Variants in RALGAPA1 observed in about 807,000 individuals in gnomAD.
RALGAPA1 encodes Ral GTPase activating protein catalytic subunit alpha 1, also known as ral GTPase-activating protein subunit alpha-1.
In RALGAPA1, 52 loss-of-function variants were observed where a neutral mutation model predicts 269.6. The ratio of observed to expected loss-of-function variants is 0.19; its 90% CI spans 0.15 to 0.24. The LOEUF (loss-of-function observed/expected upper bound fraction) is 0.24. Among genes scored for constraint, RALGAPA1 ranks in the 10% least tolerant of loss-of-function variants. The pLI is 1.00. For synonymous variants in RALGAPA1, 817 were observed against 1,008.3 expected, an observed-to-expected ratio of 0.81 and a Z score of 3.60; for missense variants, 1,917 against 3,013.9, an observed-to-expected ratio of 0.64 and a Z score of 8.52.
intron 1 of RALGAPA1, among the ~76,000 whole-genome samples, chr14:35,803,295 T>C (rs986335741): frequency 6.6e-6 from 1 of 152,106 alleles, no homozygotes; most frequent in African/African-American, 2.4e-5. Flanking sequence ...GATATTCACA[T>C]GCAAAAACGT....
At chr14:35,702,493 A>T (rs568559238) in intron 16 of RALGAPA1, among the ~76,000 whole-genome samples, 1 of 152,200 alleles carries the variant, frequency 6.6e-6, no homozygotes, top group East Asian at 1.9e-4. Context: ...CCCATATACA[A>T]AATGTCAGAA....
At chr14:35,576,787 A>G (rs2057592709) in intron 37 of RALGAPA1, among the ~76,000 whole-genome samples, 1 of 152,216 alleles carries the variant, frequency 6.6e-6, no homozygotes, top group Non-Finnish European at 1.5e-5. Context: ...TCATACAAAT[A>G]GTAAGTGGCA....
intron 39 of RALGAPA1, among the ~76,000 whole-genome samples, chr14:35,563,247 AAT>A (rs760457073): frequency 6.6e-6 from 1 of 152,188 alleles, no homozygotes; most frequent in South Asian, 2.1e-4. Context: ...CAGTGTAAAT[AAT>A]AGTTTTACAT....
intron 17 of RALGAPA1, among the ~76,000 whole-genome samples, chr14:35,690,674 T>C (rs1287481634): frequency 6.6e-6 from 1 of 152,230 alleles, no homozygotes; most frequent in African/African-American, 2.4e-5. Flanking sequence ...AAAACACCAC[T>C]TAAATCTGCT....
At chr14:35,745,871 G>C (rs759440993) in intron 10 of RALGAPA1, among the ~76,000 whole-genome samples, 2 of 151,734 alleles carry the variant, frequency 1.3e-5, no homozygotes, top group Non-Finnish European at 2.9e-5. Flanking sequence ...GATGGCTTTA[G>C]GCAAGGACTT....
In RALGAPA1 at chr14:35,773,056, T is replaced by C. The variant is rs374039799; in HGVS notation, c.267+1950A>G. 5.3e-5 allele frequency among the ~76,000 whole-genome samples: 8 copies of C among 152,196 alleles called. No homozygotes were observed. The East Asian group carries it at 5.8e-4, about 11-fold the overall frequency. ...CTGCATAATTATATTTATTTTTGTA[T>C]AGAAAGAGATAAACTTATAGAAAAG... On this transcript the variant is annotated intron_variant, in intron 3 of 41. Coordinates refer to ENST00000680220, the MANE Select transcript of RALGAPA1 (RefSeq NM_001346249.2).
At chr14:35,582,548 A>C (rs1300065201) in intron 37 of RALGAPA1, among the ~76,000 whole-genome samples, 1 of 152,180 alleles carries the variant, frequency 6.6e-6, no homozygotes, top group Non-Finnish European at 1.5e-5. Context: ...GAAAACCTGA[A>C]CTAAAATTGA....
chr14:35,697,468 A>G (rs56154412), intron 17 of RALGAPA1, among the ~76,000 whole-genome samples: 2,116 of 151,510 alleles, frequency 0.014, 34 homozygotes, highest in Non-Finnish European at 0.018. Flanking sequence ...GCCTCAGCCT[A>G]CTGAGCAGCT....
chr14:35,553,259 A>T (rs1353213534), intron 39 of RALGAPA1, among the ~76,000 whole-genome samples: 2 of 152,174 alleles, frequency 1.3e-5, no homozygotes, highest in Admixed American at 6.5e-5. Flanking sequence ...ATATACCTGT[A>T]TTCATGTGCA....
chr14:35,787,555 T>A (rs1417716364), intron 1 of RALGAPA1, among the ~76,000 whole-genome samples: 1 of 152,168 alleles, frequency 6.6e-6, no homozygotes, highest in Non-Finnish European at 1.5e-5. Context: ...CAAGAAATTT[T>A]ATTTCCTTTC....
intron 37 of RALGAPA1, among the ~76,000 whole-genome samples, chr14:35,585,717 C>T (rs1320931398): frequency 6.6e-6 from 1 of 152,040 alleles, no homozygotes; most frequent in African/African-American, 2.4e-5. Flanking sequence ...GAATCCTTTC[C>T]CCATTTCTTG....
At chr14:35,642,875 T>C (rs1279013233) in intron 31 of RALGAPA1, among the ~76,000 whole-genome samples, 1 of 152,132 alleles carries the variant, frequency 6.6e-6, no homozygotes, top group Non-Finnish European at 1.5e-5. Context: ...TATAAGGACA[T>C]ATGCACGTGT....
At chr14:35,600,572 T>C (rs2059233402) in intron 36 of RALGAPA1, among the ~76,000 whole-genome samples, 1 of 152,192 alleles carries the variant, frequency 6.6e-6, no homozygotes, top group Non-Finnish European at 1.5e-5. Flanking sequence ...TCTACTGTTT[T>C]ATCTTCCAGT....
rs190821471 is a variant in RALGAPA1 at position 35,710,801 on chromosome 14, T to C, written c.2267-10499A>G. 2.6e-3 allele frequency among the ~76,000 whole-genome samples: 396 copies of C among 152,314 alleles called. 10 individuals are homozygous for C. Among genetic ancestry groups the C allele is most frequent in the Non-Finnish European group, 4.1e-4 (28 of 68,024 alleles). On this transcript the variant is annotated intron_variant, in intron 16 of 41. Transcript: ENST00000680220. Reference sequence around the variant, plus strand: ...GTACCATTTCTATGTTTAGATATGCTTACACAAATATTTACCATTGTATTA... The same window carrying C: ...GTACCATTTCTATGTTTAGATATGCCTACACAAATATTTACCATTGTATTA...
In RALGAPA1 at chr14:35,683,796, T is replaced by C. The variant is rs200928452; in HGVS notation, c.4471+13A>G. 4 of 1,565,440 alleles carry C rather than the reference T, an allele frequency of 2.6e-6. No homozygotes were observed. Among genetic ancestry groups the C allele is most frequent in the Admixed American group, 1.8e-5 (1 of 56,100 alleles). On this transcript the variant is annotated intron_variant, in intron 21 of 41. Coordinates refer to ENST00000680220, the MANE Select transcript of RALGAPA1 (RefSeq NM_001346249.2). ...AATACATTTAAGAAACACATTCCCA[T>C]GAATAACTTTACCAGTAATAGTTGC...
At chr14:35,647,967 A>ATAAC (rs936001551) in intron 31 of RALGAPA1, among the ~76,000 whole-genome samples, 2 of 149,464 alleles carry the variant, frequency 1.3e-5, no homozygotes, top group Non-Finnish European at 3.0e-5. Context: ...AAATAAATAA[A>ATAAC]TAAGATGTTT....
intron 25 of RALGAPA1, among the ~76,000 whole-genome samples, chr14:35,671,895 C>T (rs1420089940): frequency 6.6e-6 from 1 of 152,192 alleles, no homozygotes; most frequent in Non-Finnish European, 1.5e-5. Context: ...TCTGAATCCA[C>T]ATGACCCGTT....
At chr14:35,693,135 A>ATAAT (rs1343974933) in intron 17 of RALGAPA1, among the ~76,000 whole-genome samples, 13 of 151,960 alleles carry the variant, frequency 8.6e-5, no homozygotes, top group Non-Finnish European at 1.5e-4. Flanking sequence ...TACTCATGAA[A>ATAAT]TAATTTATTA....
chr14:35,553,210 C>G (rs570569534), intron 39 of RALGAPA1, among the ~76,000 whole-genome samples: 2 of 152,172 alleles, frequency 1.3e-5, no homozygotes, highest in Non-Finnish European at 2.9e-5. Context: ...ACAGCAGGTG[C>G]TGTCTCTAGG....
Sources: gnomAD v4.1 joint callset for allele counts (sites outside exome capture counted in the v4.1 genomes callset) on GRCh38, gnomAD v4.1.1 for gene constraint, MANE v1.5 for transcripts, NCBI Gene and HGNC (gene_info 2026-07-23, HGNC 2026-07-21) for gene names.